The following RAD54L variants were observed in gnomAD, a reference collection of about 807,000 sequenced individuals.
The protein encoded by RAD54L is DNA repair and recombination protein RAD54-like.
A neutral mutation model predicts 91.6 loss-of-function variants in RAD54L; 74 were observed. The ratio of observed to expected loss-of-function variants is 0.81; its 90% CI spans 0.67 to 0.98. RAD54L has a LOEUF of 0.98. Among genes scored for constraint, RAD54L ranks in the 50% least tolerant of loss-of-function variants. The pLI, the probability that RAD54L is intolerant of heterozygous loss-of-function variation, is 0.00. For missense variants in RAD54L, 887 were observed against 945.7 expected (o/e 0.94, Z 0.81); for synonymous variants, 304 against 349.7 (o/e 0.87, Z 1.46).
Position 46,263,946 on chromosome 1 carries a change from C to T in RAD54L, c.891+2561C>T, listed in dbSNP as rs1263994789. On this transcript the variant is annotated intron_variant, in intron 8 of 17. Coordinates refer to ENST00000371975, the MANE Select transcript of RAD54L (RefSeq NM_003579.4). The surrounding 1 kb of genome is among the most constrained non-coding windows in gnomAD (Gnocchi z 4.3). ...CCGAGTAGCTGATATTACAGGCGTG[C>T]ACCACCACTCTGGCTAATTTTTGTA... is the stretch of plus-strand genomic sequence containing the variant. 6.6e-6 allele frequency among the ~76,000 whole-genome samples: 1 copy of T among 152,118 alleles called. No homozygotes were observed. The highest frequency in any genetic ancestry group is 1.5e-5 in the Non-Finnish European group (1 of 68,030).
At chr1:46,274,819 C>G in intron 16 of RAD54L, 102 bp downstream of exon 16, 6 of 1,409,232 alleles carry the variant, frequency 4.3e-6, no homozygotes, top group Non-Finnish European at 5.0e-6. Flanking sequence ...CTGCCTCTAG[C>G]AGTAGCCAAG....
intron 2 of RAD54L, among the ~76,000 whole-genome samples, chr1:46,249,697 T>G (rs1206814804): frequency 6.6e-6 from 1 of 152,112 alleles, no homozygotes; most frequent in East Asian, 1.9e-4. Flanking sequence ...GGAGTGAAGC[T>G]TTGGGCCACC....
Position 46,278,059 on chromosome 1 carries a change from C to T in RAD54L, c.2034-13C>T, listed in dbSNP as rs1569627542. ...GGATCTGTAGTGACTTCAGCTGTGC[C>T]TTCTGTCCCTAGGTTGCACTGCCGA... On this transcript the variant is annotated splice_polypyrimidine_tract_variant and intron_variant, in intron 17 of 17. Coordinates refer to ENST00000371975, the MANE Select transcript of RAD54L (RefSeq NM_003579.4). The T allele has an allele frequency of 6.2e-7, 1 of 1,614,128 alleles. No homozygotes were observed. The highest frequency in any genetic ancestry group is 8.5e-7 in the Non-Finnish European group (1 of 1,180,004).
In RAD54L at chr1:46,272,727, G is replaced by C; in HGVS notation, c.1300G>C (p.Ala434Pro). ...GAGGTTTCTGAGACAAGCCAAACCG[G>C]CAGAAGAATTGCTTGAGGGCAAGAT... ...YKRFLRQAKPAEELLEGKMSV... is the reference protein window; with the variant it reads ...YKRFLRQAKPPEELLEGKMSV... The change falls in exon 12 of 18, where the codon GCA (alanine) becomes CCA (proline). Residue 434 changes from alanine to proline, a missense_variant. Transcript: ENST00000371975. The C allele has an allele frequency of 6.2e-7, 1 of 1,614,160 alleles. No individual in the cohort carries two copies. Among genetic ancestry groups the C allele is most frequent in the Non-Finnish European group, 8.5e-7 (1 of 1,180,008 alleles).
At chr1:46,259,826 C>A in intron 4 of RAD54L, 138 bp from the exon 5 acceptor site, 2 of 1,103,930 alleles carry the variant, frequency 1.8e-6, no homozygotes, top group Non-Finnish European at 2.7e-6. Context: ...GATGCCCAAA[C>A]TGAGTTTGGA....
rs766810268 is a variant in RAD54L at position 46,273,384 on chromosome 1, G to A, written c.1405G>A (p.Glu469Lys). Residue 469 changes from glutamate to lysine, a missense_variant, in exon 13 of 18, where the codon GAA becomes AAA. Glu to Lys is a moderately conservative substitution (Grantham distance 56). Coordinates refer to ENST00000371975, the MANE Select transcript of RAD54L (RefSeq NM_003579.4). Reference protein sequence around the residue: ...HPALIYDKCVEEEDGFVGALD... With the variant: ...HPALIYDKCVKEEDGFVGALD... ...AGCTCTAATCTATGATAAGTGTGTG[G>A]AAGAGGAGGATGGCTTTGTGGGTGC... 13 of 1,613,760 alleles carry A rather than the reference G, an allele frequency of 8.1e-6. No individual in the cohort carries two copies. Among genetic ancestry groups the A allele is most frequent in the Non-Finnish European group, 1.1e-5 (13 of 1,179,642 alleles).
At chr1:46,271,543 G>A (rs1015003032) in intron 10 of RAD54L, among the ~76,000 whole-genome samples, 18 of 152,144 alleles carry the variant, frequency 1.2e-4, no homozygotes, top group African/African-American at 4.1e-4. Context: ...CTGTAGTCCC[G>A]GTTACTCTGG....
intron 10 of RAD54L, among the ~76,000 whole-genome samples, chr1:46,271,050 A>C (rs1318388316): frequency 6.6e-6 from 1 of 152,122 alleles, no homozygotes; most frequent in Non-Finnish European, 1.5e-5. Context: ...GGACTTCTTG[A>C]GCAAAGTATA....
chr1:46,256,050 A>G (rs1659931042), intron 3 of RAD54L, among the ~76,000 whole-genome samples: 1 of 151,842 alleles, frequency 6.6e-6, no homozygotes, highest in Non-Finnish European at 1.5e-5. Flanking sequence ...ATTAGGGTCC[A>G]TCTCCTTTTC....
chr1:46,261,075 G>T, intron 7 of RAD54L, 60 bp downstream of exon 7: 1 of 1,587,120 alleles, frequency 6.3e-7, no homozygotes, highest in Non-Finnish European at 8.6e-7. Flanking sequence ...TTTCTTACGT[G>T]TATGCTCATT....
chr1:46,249,315 C>A (rs1004498300), intron 2 of RAD54L, among the ~76,000 whole-genome samples: 1 of 152,180 alleles, frequency 6.6e-6, no homozygotes, highest in Non-Finnish European at 1.5e-5. Context: ...GTGTGTCTTA[C>A]AGGATCACTG....
intron 2 of RAD54L, 58 bp downstream of exon 2, chr1:46,248,656 A>G: frequency 1.3e-6 from 2 of 1,550,588 alleles, no homozygotes; most frequent in Non-Finnish European, 1.8e-6. Flanking sequence ...AAAAGAAGCC[A>G]GGATTTGGTT....
Position 46,258,667 on chromosome 1 carries a change from G to A in RAD54L, c.211-19G>A, listed in dbSNP as rs1454923529. On this transcript the variant is annotated intron_variant, in intron 3 of 17. Coordinates refer to ENST00000371975, the MANE Select transcript of RAD54L (RefSeq NM_003579.4). The stretch of plus-strand genomic sequence containing the variant: ...CATCTCCAGTCAGTCCTGAATCCTT[G>A]TTTCTCCTTTCTTTTTAGGAAGCAT... 5 of 1,580,496 alleles carry A rather than the reference G, an allele frequency of 3.2e-6. 1 individual carries two copies. The highest frequency in any genetic ancestry group is 2.2e-5 in the South Asian group (2 of 90,346).
chr1:46,262,804 G>A (rs1009973431), intron 8 of RAD54L, among the ~76,000 whole-genome samples: 2 of 152,020 alleles, frequency 1.3e-5, no homozygotes, highest in Non-Finnish European at 2.9e-5. Context: ...TTTTCCCTTT[G>A]GCATAGTTTG....
intron 16 of RAD54L, among the ~76,000 whole-genome samples, chr1:46,274,949 G>A (rs1255587691): frequency 6.6e-6 from 1 of 152,128 alleles, no homozygotes; most frequent in Admixed American, 6.5e-5. Context: ...CCTTTTCACA[G>A]GACACCTGCT....
intron 8 of RAD54L, among the ~76,000 whole-genome samples, chr1:46,262,732 A>C (rs1191724567): frequency 6.6e-6 from 1 of 152,080 alleles, no homozygotes; most frequent in Admixed American, 6.6e-5. Flanking sequence ...TTCTATCTGC[A>C]GCTATCTGTT....
At chr1:46,259,655 A>G (rs1350791757) in intron 4 of RAD54L, among the ~76,000 whole-genome samples, 1 of 152,034 alleles carries the variant, frequency 6.6e-6, no homozygotes, top group East Asian at 1.9e-4. Context: ...GGGAGCCTAT[A>G]ATCCCAGCTT....
rs1406903571 is a variant in RAD54L at position 46,260,010 on chromosome 1, C to T, written c.318C>T (p.Arg106=). ...RALGLKRAGV[R]RALHDPLEKD... ...TGGGCCTGAAAAGGGCTGGGGTCCGCCGGGCCCTCCATGACCCCCTGGAAA... is the reference window on the plus strand; with the variant it reads ...TGGGCCTGAAAAGGGCTGGGGTCCGTCGGGCCCTCCATGACCCCCTGGAAA... Residue 106 remains arginine, a synonymous_variant, in exon 5 of 18, where the codon CGC becomes CGT. Coordinates refer to ENST00000371975, the MANE Select transcript of RAD54L (RefSeq NM_003579.4). The T allele has an allele frequency of 1.2e-6, 2 of 1,614,012 alleles. No homozygotes were observed. The highest frequency in any genetic ancestry group is 1.6e-4 in the Middle Eastern group (1 of 6,084).
chr1:46,256,849 A>G (rs1287314775), intron 3 of RAD54L, among the ~76,000 whole-genome samples: 1 of 150,844 alleles, frequency 6.6e-6, no homozygotes, highest in Non-Finnish European at 1.5e-5. Flanking sequence ...TTTTAAATTT[A>G]AAGTACATTT....
Sources: gnomAD v4.1 joint callset for allele counts (sites outside exome capture counted in the v4.1 genomes callset) on GRCh38, gnomAD v4.1.1 for gene constraint, Gnocchi (gnomAD v3.1) non-coding constraint, MANE v1.5 for transcripts, NCBI Gene and HGNC (gene_info 2026-07-23, HGNC 2026-07-21) for gene names.